The following NLRP11 variants were observed in gnomAD, a reference collection of about 807,000 sequenced individuals.
NLRP11 encodes NLR family pyrin domain containing 11.
Under a neutral mutation model 79.3 loss-of-function variants are expected in NLRP11, and 53 were observed. That is an observed-to-expected ratio of 0.67 (90% CI 0.54 to 0.84). NLRP11 has a LOEUF of 0.84. Among genes scored for constraint, NLRP11 ranks in the 40% least tolerant of loss-of-function variants. NLRP11 has a pLI of 0.00. For missense variants in NLRP11, 1,264 were observed against 1,255.0 expected (o/e 1.01, Z -0.11); for synonymous variants, 518 against 462.6 (o/e 1.12, Z -1.54).
intron 1 of NLRP11, among the ~76,000 whole-genome samples, chr19:55,827,047 G>A (rs1015620830): frequency 6.9e-6 from 1 of 145,822 alleles, no homozygotes; most frequent in South Asian, 2.2e-4. Flanking sequence ...AAACAGCATG[G>A]TACTGGTACC....
chr19:55,818,299 A>G (rs138904130), intron 1 of NLRP11, 63 bp from the exon 2 acceptor site: 208 of 715,736 alleles, frequency 2.9e-4, no homozygotes, highest in Non-Finnish European at 4.2e-4. Context: ...TCCAAAGCTA[A>G]CATCCTAGAC....
At chr19:55,793,440 C>T (rs1445770743) in intron 6 of NLRP11, among the ~76,000 whole-genome samples, 4 of 151,200 alleles carry the variant, frequency 2.6e-5, no homozygotes, top group Admixed American at 6.6e-5. Flanking sequence ...TAGTGGTGTG[C>T]ACCTGTAGTC....
At chr19:55,814,769 A>G (rs977699772) in intron 2 of NLRP11, among the ~76,000 whole-genome samples, 2 of 152,182 alleles carry the variant, frequency 1.3e-5, no homozygotes, top group African/African-American at 4.8e-5. Flanking sequence ...GAGCAGCAAC[A>G]CCAGCTTTTC....
In NLRP11 at chr19:55,809,017, A is replaced by G; in HGVS notation, c.1593T>C (p.His531=). 1 of 1,614,062 alleles carries G rather than the reference A, an allele frequency of 6.2e-7. No individual in the cohort carries two copies. Among genetic ancestry groups the G allele is most frequent in the Non-Finnish European group, 8.5e-7 (1 of 1,180,000 alleles). The change falls in exon 3 of 10, where the codon CAT becomes CAC. Residue 531 remains histidine (H), a synonymous_variant. Coordinates refer to ENST00000589093, the Ensembl canonical transcript of NLRP11. This position sits in a 1 kb window ranked among gnomAD's most constrained non-coding sequence, Gnocchi z 4.5. ...TCAACTTTTCCGGGTCACGGTCCAA[A>G]TGTTTCATGTATCCCACCGAGTACC...
At chr19:55,827,159 T>C (rs2122925589) in intron 1 of NLRP11, among the ~76,000 whole-genome samples, 2 of 137,102 alleles carry the variant, frequency 1.5e-5, no homozygotes, top group South Asian at 4.5e-4. Flanking sequence ...AAACAAGCAA[T>C]GGGGAAAGGA....
chr19:55,797,685 G>A (rs1430846628), intron 5 of NLRP11, among the ~76,000 whole-genome samples: 3 of 152,172 alleles, frequency 2.0e-5, no homozygotes, highest in African/African-American at 7.2e-5. Flanking sequence ...TACTTGGCCT[G>A]TGTATTCTAT....
chr19:55,835,224 G>A (rs1369577966), upstream of NLRP11, among the ~76,000 whole-genome samples: 1 of 152,234 alleles, frequency 6.6e-6, no homozygotes. Context: ...CTAAAATGGT[G>A]ATTGTAAAAG....
chr19:55,787,911 G>A (rs1989983432), intron 9 of NLRP11, among the ~76,000 whole-genome samples: 1 of 152,174 alleles, frequency 6.6e-6, no homozygotes, highest in Admixed American at 6.5e-5. Flanking sequence ...CTTAGAAGCA[G>A]GCTGATTTTT....
intron 1 of NLRP11, among the ~76,000 whole-genome samples, chr19:55,820,812 G>A (rs117478805): frequency 0.013 from 2,031 of 152,294 alleles, 12 homozygotes; most frequent in Middle Eastern, 0.027. Context: ...AAAAAGCAGT[G>A]AATGGGACTG....
At chr19:55,836,160 A>T (rs1356170846), upstream of NLRP11, among the ~76,000 whole-genome samples, 1 of 152,190 alleles carries the variant, frequency 6.6e-6, no homozygotes, top group Admixed American at 6.5e-5. Context: ...CGACAGGTTT[A>T]GTTACGGCAG....
At chr19:55,820,905 G>A (rs777993896) in intron 1 of NLRP11, among the ~76,000 whole-genome samples, 3 of 152,110 alleles carry the variant, frequency 2.0e-5, no homozygotes, top group Non-Finnish European at 4.4e-5. Context: ...AACATGACAC[G>A]TCCGAAACTG....
At chr19:55,796,313 TAA>T (rs35540760) in intron 5 of NLRP11, 63 bp from the exon 6 acceptor site, 11,897 of 997,864 alleles carry the variant, frequency 0.012, no homozygotes, top group South Asian at 0.016. Context: ...TCTTTTAAAT[TAA>T]AAAAAAAAAA....
chr19:55,832,130 T>A (rs1396999197), upstream of NLRP11: 1 of 152,312 alleles, frequency 6.6e-6, no homozygotes, highest in Non-Finnish European at 1.5e-5. Context: ...TGCACCTGCG[T>A]GTTTCTGCCC....
intron 4 of NLRP11, among the ~76,000 whole-genome samples, chr19:55,805,535 T>C (rs1979901928): frequency 1.5e-5 from 2 of 130,194 alleles, no homozygotes; most frequent in South Asian, 4.3e-4. Flanking sequence ...TGTTTAAGGT[T>C]TTGTTTTTTT....
chr19:55,795,651 G>A (rs879499980), intron 6 of NLRP11, among the ~76,000 whole-genome samples: 10 of 152,052 alleles, frequency 6.6e-5, no homozygotes, highest in Admixed American at 2.0e-4. Flanking sequence ...CACCACGCCC[G>A]GCTAATTTTT....
At position 55,785,875 on chromosome 19, in the gene NLRP11, A is replaced by T; in HGVS notation, c.2856-4T>A. ...GTTCAGGCCAGTTAATGGAAGCCTG[A>T]AGGAAAACAGAGAGAGAACGCCGTT... On this transcript the variant is annotated splice_region_variant and splice_polypyrimidine_tract_variant and intron_variant, in intron 9 of 9. Coordinates refer to ENST00000589093, the Ensembl canonical transcript of NLRP11. The T allele has an allele frequency of 6.2e-7, 1 of 1,610,722 alleles. No individual in the cohort carries two copies. The highest frequency in any genetic ancestry group is 1.1e-5 in the South Asian group (1 of 90,316).
chr19:55,818,168 C>T, exon 2 of NLRP11: 1 of 1,610,968 alleles, frequency 6.2e-7, no homozygotes, highest in South Asian at 1.1e-5. Context: ...GAATCCGATT[C>T]TGCCATCTTG....
chr19:55,787,976 G>A (rs1241240859), intron 9 of NLRP11, among the ~76,000 whole-genome samples: 1 of 152,186 alleles, frequency 6.6e-6, no homozygotes, highest in Non-Finnish European at 1.5e-5. Context: ...CATCTTGGCT[G>A]CAGCCTCATG....
At chr19:55,830,797 C>T (rs1982687967) in intron 1 of NLRP11, among the ~76,000 whole-genome samples, 1 of 141,168 alleles carries the variant, frequency 7.1e-6, no homozygotes, top group Admixed American at 7.0e-5. Context: ...TCTCCAACAC[C>T]TGCAAAAAAG....
Sources: allele counts gnomAD v4.1 joint callset (sites outside exome capture counted in the v4.1 genomes callset), GRCh38; gene constraint gnomAD v4.1.1; non-coding constraint Gnocchi (gnomAD v3.1); transcripts MANE v1.5; gene names NCBI Gene and HGNC (gene_info 2026-07-23, HGNC 2026-07-21).